The following ELOA2 variants were observed in gnomAD, a reference collection of about 807,000 sequenced individuals.
ELOA2 encodes elongin-A2.
For synonymous variants in ELOA2, 497 were observed against 398.8 expected (o/e 1.25, Z -2.94); for missense variants, 1,271 against 979.7 (o/e 1.30, Z -3.97).
chr18:47,034,209 C>T lies in ELOA2; in HGVS notation c.1056G>A (p.Pro352=), dbSNP rs748051105. The T allele has an allele frequency of 2.5e-6, 4 of 1,613,696 alleles. No individual in the cohort carries two copies. The South Asian group carries it at 3.3e-5, about 13-fold the overall frequency. Residue 352 remains proline (P), a synonymous_variant, in exon 1 of 1, where the codon CCG becomes CCA. Coordinates refer to ENST00000332567, the MANE Select transcript of ELOA2 (RefSeq NM_016427.3). ...NDRETQEGKP[P]TAHLDRTSVS... is the part of the protein sequence containing the mutation. The stretch of plus-strand genomic sequence containing the variant: ...CGGACGTTCTGTCCAAATGAGCAGT[C>T]GGTGGCTTCCCCTCTTGAGTCTCTC...
rs772612764 is a variant in ELOA2 at position 47,034,941 on chromosome 18, C to A, written c.324G>T (p.Lys108Asn). The A allele has an allele frequency of 3.1e-6, 5 of 1,611,744 alleles. 1 individual carries two copies. The highest frequency in any genetic ancestry group is 4.2e-6 in the Non-Finnish European group (5 of 1,179,784). The change falls in exon 1 of 1, where the codon AAG becomes AAT. Residue 108 changes from lysine (K) to asparagine (N), a missense_variant. Physicochemically the swap from Lys to Asn is moderately conservative, Grantham distance 94. Coordinates refer to ENST00000332567, the MANE Select transcript of ELOA2 (RefSeq NM_016427.3). ...TCGCGTTTTCTGGGAAGCCCCAGGC[C>A]TTTTCCTGGTCCTGAAGAGCCTCCC... The part of the protein sequence containing the change: ...RFGEALQDQE[K>N]AWGFPENATA...
At position 47,032,889 on chromosome 18, in the gene ELOA2, C is replaced by G; in HGVS notation, c.*114G>C. On this transcript the variant is annotated 3_prime_UTR_variant, in exon 1 of 1. Coordinates refer to ENST00000332567, the MANE Select transcript of ELOA2 (RefSeq NM_016427.3). ...ACACCTGCAGAATTCAAAGGCTCAA[C>G]TTTGCACCAAGTTAAAGGTTCTGGT... 2 of 1,586,368 alleles carry G rather than the reference C, an allele frequency of 1.3e-6. No homozygotes were observed. Among genetic ancestry groups the G allele is most frequent in the South Asian group, 2.3e-5 (2 of 85,616 alleles).
chr18:47,033,590 G>T lies in ELOA2; in HGVS notation c.1675C>A (p.Leu559Met). ...EVPYWVLEPV[L>M]EGWRPDQLYR... ...AGCTGATCGGGCCTCCACCCTTCCA[G>T]AACAGGTTCAAGAACCCAGTAGGGG... The change falls in exon 1 of 1, where the codon CTG (leucine) becomes ATG (methionine). Residue 559 changes from leucine to methionine, a missense_variant. By Grantham distance (15) the Leu-to-Met change is conservative. Transcript: ENST00000332567. The T allele has an allele frequency of 6.2e-7, 1 of 1,614,164 alleles. No homozygotes were observed. The highest frequency in any genetic ancestry group is 8.5e-7 in the Non-Finnish European group (1 of 1,180,040).
rs749643060 is a variant in ELOA2, at chr18:47,033,281, C to G, written c.1984G>C (p.Ala662Pro). 3.7e-6 allele frequency: 6 copies of G among 1,613,516 alleles called. No individual in the cohort carries two copies. In the South Asian group the frequency reaches 6.6e-5, roughly 18 times the overall value. Residue 662 changes from alanine (A) to proline (P), a missense_variant, in exon 1 of 1, where the codon GCA becomes CCA. Coordinates refer to ENST00000332567, the MANE Select transcript of ELOA2 (RefSeq NM_016427.3). ...YDTSRRQEKS[A>P]GDADPENGEI... ...CCATTTTCGGGGTCAGCGTCTCCTG[C>G]AGACTTCTCTTGCCTCCTTGAAGTA...
Position 47,033,248 on chromosome 18 carries a change from T to C in ELOA2, c.2017A>G (p.Lys673Glu). 1 of 1,613,754 alleles carries C rather than the reference T, an allele frequency of 6.2e-7. No individual in the cohort carries two copies. Among genetic ancestry groups the C allele is most frequent in the Non-Finnish European group, 8.5e-7 (1 of 1,180,042 alleles). Residue 673 changes from lysine (K) to glutamate (E), a missense_variant, in exon 1 of 1, where the codon AAG (lysine) becomes GAG (glutamate). Coordinates refer to ENST00000332567, the MANE Select transcript of ELOA2 (RefSeq NM_016427.3). The stretch of plus-strand genomic sequence containing the variant: ...CTTCCCGCGGGCTTGGAGGCTGGCT[T>C]GATCTCCCCATTTTCGGGGTCAGCG... Reference protein sequence around the residue: ...GDADPENGEIKPASKPAGSSH... With the variant: ...GDADPENGEIEPASKPAGSSH...
chr18:47,033,571 T>C lies in ELOA2; in HGVS notation c.1694A>G (p.Asp565Gly), dbSNP rs2060596593. 2 of 1,614,140 alleles carry C rather than the reference T, an allele frequency of 1.2e-6. No homozygotes were observed. Among genetic ancestry groups the C allele is most frequent in the Non-Finnish European group, 1.7e-6 (2 of 1,180,020 alleles). The change falls in exon 1 of 1, where the codon GAT (aspartate) becomes GGT (glycine). Residue 565 changes from aspartate to glycine, a missense_variant. Transcript: ENST00000332567. ...GTCTTTCTTTCTGCGATACAGCTGATCGGGCCTCCACCCTTCCAGAACAGG... is the reference window on the plus strand; with the variant it reads ...GTCTTTCTTTCTGCGATACAGCTGACCGGGCCTCCACCCTTCCAGAACAGG... ...LEPVLEGWRPDQLYRRKKDNH... is the reference protein window; with the variant it reads ...LEPVLEGWRPGQLYRRKKDNH...
chr18:47,032,903 A>T lies in ELOA2; in HGVS notation c.*100T>A, dbSNP rs1484838711. 19 of 1,599,360 alleles carry T rather than the reference A, an allele frequency of 1.2e-5. No individual in the cohort carries two copies. Among genetic ancestry groups the T allele is most frequent in the Non-Finnish European group, 1.6e-5 (19 of 1,172,070 alleles). Reference sequence around the variant, plus strand: ...CAAAGGCTCAACTTTGCACCAAGTTAAAGGTTCTGGTGTCCATTGGAAGTT... The same window carrying T: ...CAAAGGCTCAACTTTGCACCAAGTTTAAGGTTCTGGTGTCCATTGGAAGTT... On this transcript the variant is annotated 3_prime_UTR_variant, in exon 1 of 1. Transcript: ENST00000332567.
rs547625855 is a variant in ELOA2, at chr18:47,035,325, G to T, written c.-61C>A. 6.2e-7 allele frequency: 1 copy of T among 1,607,606 alleles called. No individual in the cohort carries two copies. Among genetic ancestry groups the T allele is most frequent in the African/African-American group, 1.3e-5 (1 of 74,702 alleles). On this transcript the variant is annotated 5_prime_UTR_variant, in exon 1 of 1. Coordinates refer to ENST00000332567, the MANE Select transcript of ELOA2 (RefSeq NM_016427.3). ...GTCGCAGCTCTGTCTTTGGGGCTGC[G>T]GGACAGGAAGTCTGGGGTGGCCGGT... is the stretch of plus-strand genomic sequence containing the variant.
At position 47,033,389 on chromosome 18, in the gene ELOA2, T is replaced by G; in HGVS notation, c.1876A>C (p.Ile626Leu). The change falls in exon 1 of 1, where the codon ATC becomes CTC. Residue 626 changes from isoleucine (I) to leucine (L), a missense_variant. Ile to Leu is a conservative substitution (Grantham distance 5). Transcript: ENST00000332567. The part of the protein sequence containing the change: ...EQRLRVMTTN[I>L]RSARGNNPNG... ...GGGTTGTTTCCACGTGCAGATCGGATATTCGTTGTCATTACTCTCAGCCGC... is the reference window on the plus strand; with the variant it reads ...GGGTTGTTTCCACGTGCAGATCGGAGATTCGTTGTCATTACTCTCAGCCGC... 6.2e-7 allele frequency: 1 copy of G among 1,614,182 alleles called. No homozygotes were observed. The highest frequency in any genetic ancestry group is 8.5e-7 in the Non-Finnish European group (1 of 1,180,030).
rs773691103 is a variant in ELOA2 at position 47,035,305 on chromosome 18, A to T, written c.-41T>A. ...CAGGCGTCGCTGTCCCGGCGGTCGCAGCTCTGTCTTTGGGGCTGCGGGACA... is the reference window on the plus strand; with the variant it reads ...CAGGCGTCGCTGTCCCGGCGGTCGCTGCTCTGTCTTTGGGGCTGCGGGACA... On this transcript the variant is annotated 5_prime_UTR_variant, in exon 1 of 1. Transcript: ENST00000332567. 3 of 1,611,168 alleles carry T rather than the reference A, an allele frequency of 1.9e-6. No homozygotes were observed. Among genetic ancestry groups the T allele is most frequent in the Non-Finnish European group, 2.5e-6 (3 of 1,179,352 alleles).
chr18:47,032,554 A>C lies in ELOA2; in HGVS notation c.*449T>G. On this transcript the variant is annotated 3_prime_UTR_variant, in exon 1 of 1. Transcript: ENST00000332567. ...ACAAGATCATGCTCAGCCTTTTATT[A>C]AAACAACAACAACGGCAGCAACAGC... 4.7e-6 allele frequency: 1 copy of C among 211,098 alleles called. No individual in the cohort carries two copies. The highest frequency in any genetic ancestry group is 9.5e-6 in the Non-Finnish European group (1 of 105,168). 13.1% of individuals were successfully genotyped at this position (211,098 alleles called of 1,614,324 possible).
At position 47,034,434 on chromosome 18, in the gene ELOA2, C is replaced by T. The variant is rs1599583418; in HGVS notation, c.831G>A (p.Ser277=). 2 of 1,614,120 alleles carry T rather than the reference C, an allele frequency of 1.2e-6. No homozygotes were observed. Among genetic ancestry groups the T allele is most frequent in the African/African-American group, 1.3e-5 (1 of 75,078 alleles). The part of the protein sequence containing the change: ...SWASARDRQP[S]DFKTDKEGGQ... ...CCCCTTCCTTGTCTGTCTTGAAGTC[C>T]GAAGGCTGCCTGTCCCTGGCACTTG... is the stretch of plus-strand genomic sequence containing the variant. Residue 277 remains serine, a synonymous_variant, in exon 1 of 1, where the codon TCG becomes TCA. Coordinates refer to ENST00000332567, the MANE Select transcript of ELOA2 (RefSeq NM_016427.3).
In ELOA2 at chr18:47,034,016, A is replaced by T. The variant is rs761815595; in HGVS notation, c.1249T>A (p.Ser417Thr). The change falls in exon 1 of 1, where the codon TCC (serine) becomes ACC (threonine). Residue 417 changes from serine to threonine, a missense_variant. Transcript: ENST00000332567. ...TCCCAGGACTCACGAGTGCCCTTGG[A>T]TTCGTTTGCTTTCCTTTGTTTATCT... ...LGDKQRKANE[S>T]KGTRESWDSA... 1 of 1,614,050 alleles carries T rather than the reference A, an allele frequency of 6.2e-7. No homozygotes were observed.
In ELOA2 at chr18:47,035,332, G is replaced by A. The variant is rs1299180420; in HGVS notation, c.-68C>T. ...CTCTGTCTTTGGGGCTGCGGGACAGGAAGTCTGGGGTGGCCGGTCCTCGCT... is the reference window on the plus strand; with the variant it reads ...CTCTGTCTTTGGGGCTGCGGGACAGAAAGTCTGGGGTGGCCGGTCCTCGCT... On this transcript the variant is annotated 5_prime_UTR_variant, in exon 1 of 1. Coordinates refer to ENST00000332567, the MANE Select transcript of ELOA2 (RefSeq NM_016427.3). 3.1e-6 allele frequency: 5 copies of A among 1,606,074 alleles called. No homozygotes were observed. In the African/African-American group the frequency reaches 5.4e-5, roughly 17 times the overall value.
chr18:47,034,697 C>A lies in ELOA2; in HGVS notation c.568G>T (p.Gly190Trp), dbSNP rs761977562. ...GTGTGGCCTCTTCCGGGTTGCTTCC[C>A]GGGCGCAGCGGGCTCAGGGCCCTCG... Reference protein sequence around the residue: ...MPEGPEPAAPGKQPGRGHTHA... With the variant: ...MPEGPEPAAPWKQPGRGHTHA... The change falls in exon 1 of 1, where the codon GGG (glycine) becomes TGG (tryptophan). Residue 190 changes from glycine (G) to tryptophan (W), a missense_variant. Gly to Trp is a radical substitution (Grantham distance 184). Coordinates refer to ENST00000332567, the MANE Select transcript of ELOA2 (RefSeq NM_016427.3). 1 of 1,612,960 alleles carries A rather than the reference C, an allele frequency of 6.2e-7. No homozygotes were observed. The highest frequency in any genetic ancestry group is 1.1e-5 in the South Asian group (1 of 91,014).
Position 47,033,794 on chromosome 18 carries a change from C to T in ELOA2, c.1471G>A (p.Ala491Thr), listed in dbSNP as rs771358188. The change falls in exon 1 of 1, where the codon GCA (alanine) becomes ACA (threonine). Residue 491 changes from alanine (A) to threonine (T), a missense_variant. Ala to Thr is a moderately conservative substitution (Grantham distance 58, BLOSUM62 0). Coordinates refer to ENST00000332567, the MANE Select transcript of ELOA2 (RefSeq NM_016427.3). Reference sequence around the variant, plus strand: ...TCCCGGAACTTTGGTGAAGAGAGTGCTTCTGGCTTTGCCTGGGAGGTCATG... The same window carrying T: ...TCCCGGAACTTTGGTGAAGAGAGTGTTTCTGGCTTTGCCTGGGAGGTCATG... ...DSMTSQAKPEALSSPKFREEA... is the reference protein window; with the variant it reads ...DSMTSQAKPETLSSPKFREEA... The T allele has an allele frequency of 4.3e-6, 7 of 1,614,228 alleles. No homozygotes were observed. The highest frequency in any genetic ancestry group is 1.3e-5 in the African/African-American group (1 of 75,068).
Position 47,035,194 on chromosome 18 carries a change from G to C in ELOA2, c.71C>G (p.Pro24Arg). The C allele has an allele frequency of 1.2e-6, 2 of 1,612,532 alleles. No homozygotes were observed. Among genetic ancestry groups the C allele is most frequent in the Non-Finnish European group, 1.7e-6 (2 of 1,179,838 alleles). Residue 24 changes from proline to arginine, a missense_variant, in exon 1 of 1, where the codon CCG (proline) becomes CGG (arginine). By Grantham distance (103) the Pro-to-Arg change is moderately radical (BLOSUM62 -2). Coordinates refer to ENST00000332567, the MANE Select transcript of ELOA2 (RefSeq NM_016427.3). ...LQVRLATKTE[P>R]KKLEKYLQKL... ...CTGCAAATATTTCTCTAGCTTTTTC[G>C]GCTCCGTCTTAGTGGCCAGACGCAC...
rs1258262648 is a variant in ELOA2 at position 47,032,852 on chromosome 18, G to A, written c.*151C>T. The A allele has an allele frequency of 2.0e-6, 3 of 1,477,930 alleles. No individual in the cohort carries two copies. Among genetic ancestry groups the A allele is most frequent in the Non-Finnish European group, 2.7e-6 (3 of 1,093,014 alleles). The allele number at this position is 1,477,930 out of a possible 1,614,324, so 91.6% of individuals were successfully genotyped here. On this transcript the variant is annotated 3_prime_UTR_variant, in exon 1 of 1. Coordinates refer to ENST00000332567, the MANE Select transcript of ELOA2 (RefSeq NM_016427.3). ...CTGGGTGTGGGAGGCAAAATCACAGGGCCAGCACATGACACCTGCAGAATT... is the reference window on the plus strand; with the variant it reads ...CTGGGTGTGGGAGGCAAAATCACAGAGCCAGCACATGACACCTGCAGAATT...
Position 47,032,896 on chromosome 18 carries a change from C to A in ELOA2, c.*107G>T. On this transcript the variant is annotated 3_prime_UTR_variant, in exon 1 of 1. Transcript: ENST00000332567. ...CAGAATTCAAAGGCTCAACTTTGCACCAAGTTAAAGGTTCTGGTGTCCATT... is the reference window on the plus strand; with the variant it reads ...CAGAATTCAAAGGCTCAACTTTGCAACAAGTTAAAGGTTCTGGTGTCCATT... 1.3e-6 allele frequency: 2 copies of A among 1,592,576 alleles called. No individual in the cohort carries two copies. The highest frequency in any genetic ancestry group is 1.1e-5 in the South Asian group (1 of 87,312).
Sources: allele counts gnomAD v4.1 joint callset, GRCh38; gene constraint gnomAD v4.1.1; transcripts MANE v1.5; gene names NCBI Gene and HGNC (gene_info 2026-07-23, HGNC 2026-07-21).